BAALC: variants seen among roughly 807,000 people sequenced by gnomAD.
BAALC encodes BAALC binder of MAP3K1 and KLF4.
BAALC carries 9 observed loss-of-function variants against 15.5 expected under a neutral mutation model. The ratio of observed to expected loss-of-function variants is 0.58; its 90% CI spans 0.35 to 1.02. The LOEUF is 1.02. BAALC is among the 50% of genes least tolerant of loss of function. The pLI is 0.02. For missense variants in BAALC, 201 were observed against 192.4 expected, an observed-to-expected ratio of 1.04 and a Z score of -0.27; for synonymous variants, 80 against 74.6, an observed-to-expected ratio of 1.07 and a Z score of -0.37.
chr8:103,198,404 C>T (rs1388574466), intron 1 of BAALC, among the ~76,000 whole-genome samples: 11 of 152,060 alleles, frequency 7.2e-5, no homozygotes, highest in Admixed American at 3.3e-4. Context: ...TCTTATTTCA[C>T]GAGTAATATA....
At chr8:103,156,110 GCCAGAT>G (rs1196786005) in intron 1 of BAALC, among the ~76,000 whole-genome samples, 66 of 152,288 alleles carry the variant, frequency 4.3e-4, no homozygotes, top group Non-Finnish European at 5.9e-5. Flanking sequence ...TTGAAGCACA[GCCAGAT>G]TTAAGAGCCA....
At chr8:103,163,258 C>T (rs1024017864) in intron 1 of BAALC, among the ~76,000 whole-genome samples, 14 of 152,122 alleles carry the variant, frequency 9.2e-5, no homozygotes, top group African/African-American at 7.2e-5. Flanking sequence ...ACCCACGTCT[C>T]TTCACGCCCT....
chr8:103,141,922 G>T (rs150071380), intron 1 of BAALC, among the ~76,000 whole-genome samples: 2 of 152,188 alleles, frequency 1.3e-5, no homozygotes, highest in African/African-American at 4.8e-5. Context: ...TAATTATAGC[G>T]CAGAGATGCA....
At chr8:103,183,060 A>G (rs1413329601) in intron 1 of BAALC, among the ~76,000 whole-genome samples, 1 of 152,236 alleles carries the variant, frequency 6.6e-6, no homozygotes, top group African/African-American at 2.4e-5. Flanking sequence ...CATAGAACAC[A>G]TCACTGGAAA....
In BAALC at chr8:103,185,156, C is replaced by T. The variant is rs577104055; in HGVS notation, c.161-27763C>T. ...TAGCTGATTGCCTCTATTGCAAAAG[C>T]GTAATTTGAAGCCTCAGCCAGGCCC... is the stretch of plus-strand genomic sequence containing the variant. On this transcript the variant is annotated intron_variant, in intron 1 of 2. Coordinates refer to ENST00000309982, the MANE Select transcript of BAALC (RefSeq NM_024812.3). Among the ~76,000 whole-genome samples, 16 of 152,068 alleles carry T rather than the reference C, an allele frequency of 1.1e-4. No individual in the cohort carries two copies. The East Asian group carries it at 1.2e-3, about 11-fold the overall frequency.
intron 1 of BAALC, among the ~76,000 whole-genome samples, chr8:103,149,452 G>A (rs564913146): frequency 2.6e-5 from 4 of 152,324 alleles, no homozygotes; most frequent in African/African-American, 9.6e-5. Flanking sequence ...TGCAGTGCAT[G>A]CTCCTAATTA....
At chr8:103,221,909 G>T (rs1370215900) in intron 2 of BAALC, among the ~76,000 whole-genome samples, 1 of 152,174 alleles carries the variant, frequency 6.6e-6, no homozygotes, top group Non-Finnish European at 1.5e-5. Context: ...TGCCCAAGGT[G>T]GTTGGGGCAC....
chr8:103,195,563 G>A (rs1191311106), intron 1 of BAALC, among the ~76,000 whole-genome samples: 1 of 152,086 alleles, frequency 6.6e-6, no homozygotes. Flanking sequence ...GAGGAGGGAG[G>A]GATGAGTGGC....
rs143832121 is a variant in BAALC, at chr8:103,227,430, T to C, written c.328-559T>C. On this transcript the variant is annotated intron_variant, in intron 2 of 2. Coordinates refer to ENST00000309982, the MANE Select transcript of BAALC (RefSeq NM_024812.3). The stretch of plus-strand genomic sequence containing the variant: ...CACAATTTCTTACAAAGAAATTCCT[T>C]GTGGGCCCTAAGATCTTTACCCTAA... Among the ~76,000 whole-genome samples the C allele has an allele frequency of 4.0e-4, 61 of 152,266 alleles. No individual in the cohort carries two copies. The East Asian group carries it at 0.011, about 28-fold the overall frequency.
At chr8:103,226,344 C>T (rs1162358845) in intron 2 of BAALC, among the ~76,000 whole-genome samples, 1 of 152,232 alleles carries the variant, frequency 6.6e-6, no homozygotes, top group African/African-American at 2.4e-5. Context: ...CCTTTATGCC[C>T]TTCCATTTAC....
intron 1 of BAALC, among the ~76,000 whole-genome samples, chr8:103,142,610 A>C (rs1265942109): frequency 6.6e-6 from 1 of 152,224 alleles, no homozygotes; most frequent in Non-Finnish European, 1.5e-5. Flanking sequence ...AGCATGAAAA[A>C]AATAATAATA....
At chr8:103,170,495 G>A (rs758745751) in intron 1 of BAALC, among the ~76,000 whole-genome samples, 3 of 152,108 alleles carry the variant, frequency 2.0e-5, no homozygotes, top group Admixed American at 6.6e-5. Context: ...AGGAAATTTG[G>A]ACACAGACAC....
At chr8:103,163,846 T>C (rs1467316586) in intron 1 of BAALC, among the ~76,000 whole-genome samples, 1 of 152,160 alleles carries the variant, frequency 6.6e-6, no homozygotes, top group Admixed American at 6.5e-5. Flanking sequence ...AAATCCTTCC[T>C]TCCTTCCTTC....
Position 103,140,952 on chromosome 8 carries a change from T to C in BAALC, c.55T>C (p.Trp19Arg), listed in dbSNP as rs553438961. The stretch of plus-strand genomic sequence containing the variant: ...CATCGAGCCCCGCTACTACGAGAGC[T>C]GGACCCGGGAGACAGAATCCACCTG... ...DAIEPRYYES[W>R]TRETESTWLT... is the part of the protein sequence containing the mutation. Residue 19 changes from tryptophan (W) to arginine (R), a missense_variant, in exon 1 of 3, where the codon TGG becomes CGG. Transcript: ENST00000309982. The surrounding 1 kb of genome is among the most constrained non-coding windows in gnomAD (Gnocchi z 4.2). 1.3e-6 allele frequency: 2 copies of C among 1,540,404 alleles called. No homozygotes were observed. Among genetic ancestry groups the C allele is most frequent in the South Asian group, 1.2e-5 (1 of 83,164 alleles).
At chr8:103,148,290 G>A (rs983182389) in intron 1 of BAALC, among the ~76,000 whole-genome samples, 4 of 152,170 alleles carry the variant, frequency 2.6e-5, no homozygotes, top group Admixed American at 2.6e-4. Context: ...ATCAAGGAAA[G>A]TCCACTGAAA....
At chr8:103,184,049 G>A (rs1371697867) in intron 1 of BAALC, among the ~76,000 whole-genome samples, 1 of 152,152 alleles carries the variant, frequency 6.6e-6, no homozygotes, top group African/African-American at 2.4e-5. Flanking sequence ...AGCTTCTAGA[G>A]GCAGCCTGCA....
intron 2 of BAALC, among the ~76,000 whole-genome samples, chr8:103,219,194 T>C (rs1218545964): frequency 6.6e-6 from 1 of 152,216 alleles, no homozygotes; most frequent in Non-Finnish European, 1.5e-5. Flanking sequence ...TCGGTATTCA[T>C]GTAAGGGTCT....
chr8:103,144,258 C>T (rs1810837964), intron 1 of BAALC, among the ~76,000 whole-genome samples: 1 of 152,174 alleles, frequency 6.6e-6, no homozygotes, highest in Admixed American at 6.5e-5. Context: ...TTTCTTGCAT[C>T]TTCTTACTCA....
chr8:103,174,645 T>C (rs376392064), intron 1 of BAALC, among the ~76,000 whole-genome samples: 13 of 152,226 alleles, frequency 8.5e-5, no homozygotes, highest in African/African-American at 2.9e-4. Flanking sequence ...AGAAAGCCAC[T>C]TTTTTAGACT....
Sources: allele counts gnomAD v4.1 joint callset (sites outside exome capture counted in the v4.1 genomes callset), GRCh38; gene constraint gnomAD v4.1.1; non-coding constraint Gnocchi (gnomAD v3.1); transcripts MANE v1.5; gene names NCBI Gene and HGNC (gene_info 2026-07-23, HGNC 2026-07-21).